The following LIMD1 variants were observed in gnomAD, a reference collection of about 807,000 sequenced individuals.
LIMD1 encodes the protein LIM domain-containing protein 1.
Under a neutral mutation model 58.4 loss-of-function variants are expected in LIMD1, and 23 were observed. The observed-to-expected ratio is 0.39, with a 90% CI of 0.28 to 0.56. The LOEUF is 0.56. LIMD1 is among the 20% of genes least tolerant of loss of function. LIMD1 has a pLI of 0.57. For missense variants in LIMD1, 838 were observed against 855.5 expected, an observed-to-expected ratio of 0.98 and a Z score of 0.25; for synonymous variants, 334 against 345.5, an observed-to-expected ratio of 0.97 and a Z score of 0.37.
chr3:45,620,131 C>T (rs1701616666), intron 1 of LIMD1, among the ~76,000 whole-genome samples: 1 of 152,040 alleles, frequency 6.6e-6, no homozygotes, highest in Admixed American at 6.6e-5. Context: ...ATGATGGGGT[C>T]AAGACACTTT....
intron 2 of LIMD1, among the ~76,000 whole-genome samples, chr3:45,662,308 T>C (rs1048157810): frequency 4.0e-5 from 6 of 150,318 alleles, no homozygotes; most frequent in African/African-American, 1.5e-4. Flanking sequence ...TGTGCGCGTG[T>C]AAAACCTACT....
intron 1 of LIMD1, among the ~76,000 whole-genome samples, chr3:45,631,348 A>G (rs542063935): frequency 1.3e-4 from 19 of 151,936 alleles, no homozygotes; most frequent in African/African-American, 4.6e-4. Flanking sequence ...TCTGGCCCAT[A>G]GTAGACACAT....
chr3:45,645,814 C>T (rs893347156), intron 2 of LIMD1, among the ~76,000 whole-genome samples: 1 of 152,062 alleles, frequency 6.6e-6, no homozygotes, highest in Non-Finnish European at 1.5e-5. Context: ...CTGGCTCTGG[C>T]CCCTTCAGAT....
rs35321098 is a variant in LIMD1 at position 45,650,514 on chromosome 3, G to T, written c.1510+14263G>T. On this transcript the variant is annotated intron_variant, in intron 2 of 7. Transcript: ENST00000273317. Reference sequence around the variant, plus strand: ...CCCCCACCCCCCCCAACAGGCCCCAGTGTGTGATGTCCCCTCCCTGTGTCC... The same window carrying T: ...CCCCCACCCCCCCCAACAGGCCCCATTGTGTGATGTCCCCTCCCTGTGTCC... 7.4e-5 allele frequency among the ~76,000 whole-genome samples: 5 copies of T among 67,874 alleles called. No homozygotes were observed. The East Asian group carries it at 2.0e-3, about 27-fold the overall frequency. 44.5% of individuals were successfully genotyped at this position (67,874 alleles called of 152,430 possible).
intron 2 of LIMD1, among the ~76,000 whole-genome samples, chr3:45,637,729 G>C (rs1701802998): frequency 6.8e-6 from 1 of 147,360 alleles, no homozygotes; most frequent in African/African-American, 2.5e-5. Context: ...CTAATTCCCA[G>C]TATAAAGTTA....
At chr3:45,610,563 G>T (rs187884) in intron 1 of LIMD1, among the ~76,000 whole-genome samples, 35,335 of 151,990 alleles carry the variant, frequency 0.23, 4,240 homozygotes, top group East Asian at 0.36. Context: ...GGCATGCATG[G>T]TGGCTTTGAT....
intron 1 of LIMD1, among the ~76,000 whole-genome samples, chr3:45,617,616 C>T (rs267229): frequency 6.6e-6 from 1 of 152,164 alleles, no homozygotes; most frequent in African/African-American, 2.4e-5. Flanking sequence ...TTTGAAGATG[C>T]GAAAACTAAA....
intron 1 of LIMD1, among the ~76,000 whole-genome samples, chr3:45,617,501 C>G (rs1414710917): frequency 1.3e-5 from 2 of 152,192 alleles, no homozygotes; most frequent in Non-Finnish European, 2.9e-5. Context: ...CCTCCCACGC[C>G]AGGCTCATGA....
At chr3:45,626,737 G>A (rs1701670648) in intron 1 of LIMD1, among the ~76,000 whole-genome samples, 2 of 152,058 alleles carry the variant, frequency 1.3e-5, no homozygotes, top group South Asian at 4.2e-4. Context: ...GACTTCGGGT[G>A]ATAATGATGT....
At position 45,595,919 on chromosome 3, in the gene LIMD1, G is replaced by T. The variant is rs148755802; in HGVS notation, c.1040G>T (p.Ser347Ile). 19 of 1,614,072 alleles carry T rather than the reference G, an allele frequency of 1.2e-5. No homozygotes were observed. In the African/African-American group the frequency reaches 2.1e-4, roughly 18 times the overall value. ...FQDGPKSYLS[S>I]SAPSSSPAGL... ...GATGGGCCCAAATCTTACCTTTCCA[G>T]TTCTGCCCCGTCATCCTCGCCAGCT... Residue 347 changes from serine to isoleucine, a missense_variant, in exon 1 of 8, where the codon AGT becomes ATT. Coordinates refer to ENST00000273317, the MANE Select transcript of LIMD1 (RefSeq NM_014240.3).
chr3:45,609,539 G>A (rs73830440), intron 1 of LIMD1, among the ~76,000 whole-genome samples: 4,324 of 152,200 alleles, frequency 0.028, 216 homozygotes, highest in African/African-American at 0.098. Context: ...TTGGTGGGTG[G>A]AGCTCCAGAT....
intron 1 of LIMD1, among the ~76,000 whole-genome samples, chr3:45,597,874 CT>C (rs1701373195): frequency 6.6e-6 from 1 of 152,224 alleles, no homozygotes; most frequent in Non-Finnish European, 1.5e-5. Context: ...TTGTGTTTTG[CT>C]TCTCATGAGA....
intron 2 of LIMD1, among the ~76,000 whole-genome samples, chr3:45,649,973 A>G (rs528807502): frequency 6.8e-6 from 1 of 146,296 alleles, no homozygotes; most frequent in African/African-American, 2.5e-5. Context: ...ATTGATTTTG[A>G]GAAATTTGAT....
At chr3:45,646,700 T>TC (rs1173071662) in intron 2 of LIMD1, among the ~76,000 whole-genome samples, 5 of 150,204 alleles carry the variant, frequency 3.3e-5, no homozygotes. Context: ...TCTTTTTTTT[T>TC]TTTTTTTGAG....
At chr3:45,608,886 C>T (rs1479226255) in intron 1 of LIMD1, among the ~76,000 whole-genome samples, 1 of 142,244 alleles carries the variant, frequency 7.0e-6, no homozygotes, top group Non-Finnish European at 1.6e-5. Flanking sequence ...TAAAACCAAA[C>T]ACTGAATTAG....
intron 1 of LIMD1, among the ~76,000 whole-genome samples, chr3:45,610,138 T>C (rs1204600351): frequency 1.3e-5 from 2 of 152,150 alleles, no homozygotes; most frequent in African/African-American, 2.4e-5. Context: ...GAGCCGAGAT[T>C]GTGCCACTGC....
rs189508508 is a variant in LIMD1, at chr3:45,620,162, T to C, written c.1409-15988T>C. The stretch of plus-strand genomic sequence containing the variant: ...ACTTTCTGCTGGAGGTTGACATTTG[T>C]TTTAGTAGTTTATGTTGATGCAAAG... On this transcript the variant is annotated intron_variant, in intron 1 of 7. Transcript: ENST00000273317. Among the ~76,000 whole-genome samples, 489 of 152,234 alleles carry C rather than the reference T, an allele frequency of 3.2e-3. 4 individuals carry two copies. Among genetic ancestry groups the C allele is most frequent in the African/African-American group, 0.011 (465 of 41,542 alleles).
chr3:45,656,938 T>C (rs1005387311), intron 2 of LIMD1, among the ~76,000 whole-genome samples: 1 of 152,186 alleles, frequency 6.6e-6, no homozygotes, highest in East Asian at 1.9e-4. Flanking sequence ...CCTGTCCTTG[T>C]CCTGGCTGTG....
intron 1 of LIMD1, among the ~76,000 whole-genome samples, chr3:45,624,538 C>T (rs1217705637): frequency 1.3e-5 from 2 of 152,192 alleles, no homozygotes; most frequent in East Asian, 3.9e-4. Context: ...AACCCCATCT[C>T]TACTGAAAAT....
Sources: allele counts gnomAD v4.1 joint callset (sites outside exome capture counted in the v4.1 genomes callset), GRCh38; gene constraint gnomAD v4.1.1; transcripts MANE v1.5; gene names NCBI Gene and HGNC (gene_info 2026-07-23, HGNC 2026-07-21).